MAEA: variants seen among roughly 807,000 people sequenced by gnomAD.
MAEA encodes the protein macrophage erythroblast attacher, E3 ubiquitin ligase.
A neutral mutation model predicts 46.2 loss-of-function variants in MAEA; 22 were observed. The ratio of observed to expected loss-of-function variants is 0.48; its 90% CI spans 0.34 to 0.68. The LOEUF (loss-of-function observed/expected upper bound fraction) is 0.68, where lower values mean the gene tolerates loss of function less well. MAEA is among the 30% of genes least tolerant of loss of function. The probability of loss-of-function intolerance (pLI) is 0.01; values close to 1 mark genes in which losing one functional copy is unlikely to be tolerated. For synonymous variants in MAEA, 246 were observed against 222.6 expected (o/e 1.11, Z -0.94); for missense variants, 393 against 558.1 (o/e 0.70, Z 2.98).
Position 1,339,839 on chromosome 4 carries a change from G to C in MAEA, c.*670G>C, listed in dbSNP as rs1021377801. 1 of 152,814 alleles carries C rather than the reference G, an allele frequency of 6.5e-6. No homozygotes were observed. The allele number at this position is 152,814 out of a possible 1,614,324, so 9.5% of individuals were successfully genotyped here. ...GCGTCGTTTCGATATCACACCCTCT[G>C]TGTGCCGCCTTACTTCCTGCTTCGA... On this transcript the variant is annotated 3_prime_UTR_variant, in exon 9 of 9. Coordinates refer to ENST00000303400, the MANE Select transcript of MAEA (RefSeq NM_001017405.3).
intron 1 of MAEA, among the ~76,000 whole-genome samples, chr4:1,296,834 C>T (rs950271895): frequency 4.6e-5 from 7 of 152,176 alleles, no homozygotes; most frequent in East Asian, 1.9e-4. Flanking sequence ...ACTCGGCTCC[C>T]GTGACACCAT....
chr4:1,321,873 GT>G (rs4045167), intron 3 of MAEA, among the ~76,000 whole-genome samples: 14,293 of 140,300 alleles, frequency 0.1, 1,269 homozygotes, highest in East Asian at 0.42. Context: ...TTTTTTTGTT[GT>G]TTTTTTTTTT....
rs1713231102 is a variant in MAEA at position 1,339,424 on chromosome 4, A to G, written c.*255A>G. 1 of 520,558 alleles carries G rather than the reference A, an allele frequency of 1.9e-6. No individual in the cohort carries two copies. Among genetic ancestry groups the G allele is most frequent in the South Asian group, 2.5e-5 (1 of 40,026 alleles). The allele number at this position is 520,558 out of a possible 1,614,324, so 32.2% of individuals were successfully genotyped here. On this transcript the variant is annotated 3_prime_UTR_variant, in exon 9 of 9. Transcript: ENST00000303400. ...TCTGAAAAGTACTTTCAACTTGCGAAGGAAACTCTTCTTTAAAGACTGACC... is the reference window on the plus strand; with the variant it reads ...TCTGAAAAGTACTTTCAACTTGCGAGGGAAACTCTTCTTTAAAGACTGACC...
chr4:1,338,335 G>A (rs1713070258), intron 7 of MAEA, 87 bp from the exon 8 acceptor site: 7 of 1,048,520 alleles, frequency 6.7e-6, no homozygotes, highest in East Asian at 2.4e-5. Context: ...AGAAGGGCAC[G>A]CAGCCCAGGG....
In MAEA at chr4:1,322,545, G is replaced by A. The variant is rs374785202; in HGVS notation, c.579+42G>A. ...GTTGGGGTGGGAGTGGGTCGGGGCC[G>A]AGGCTGCGCCACCTGCCCTGGAGCC... is the stretch of plus-strand genomic sequence containing the variant. On this transcript the variant is annotated intron_variant, in intron 4 of 8. Transcript: ENST00000303400. The A allele has an allele frequency of 4.0e-4, 635 of 1,606,204 alleles. 16 individuals carry two copies. In the South Asian group the frequency reaches 6.0e-3, roughly 15 times the overall value.
chr4:1,315,166 A>G (rs929425374), intron 2 of MAEA, among the ~76,000 whole-genome samples: 1 of 152,232 alleles, frequency 6.6e-6, no homozygotes, highest in Admixed American at 6.5e-5. Context: ...AAAGCCAGAA[A>G]TAGCAGAGAG....
At chr4:1,293,060 AT>A (rs1208177687) in intron 1 of MAEA, among the ~76,000 whole-genome samples, 1 of 151,710 alleles carries the variant, frequency 6.6e-6, no homozygotes, top group Non-Finnish European at 1.5e-5. Flanking sequence ...TGCCCAGCTA[AT>A]TTTTTGTATT....
intron 1 of MAEA, among the ~76,000 whole-genome samples, chr4:1,295,485 G>A (rs1734542305): frequency 6.6e-6 from 1 of 151,920 alleles, no homozygotes; most frequent in African/African-American, 2.4e-5. Context: ...GAGGGGCCCA[G>A]AGCAGCCTCC....
chr4:1,290,718 G>A (rs1020285291), intron 1 of MAEA, among the ~76,000 whole-genome samples: 3 of 152,202 alleles, frequency 2.0e-5, no homozygotes, highest in Non-Finnish European at 4.4e-5. Flanking sequence ...TTCCTGGAGA[G>A]CTGCGTAGTT....
chr4:1,316,973 G>GC (rs1239629545), intron 3 of MAEA, among the ~76,000 whole-genome samples: 21 of 117,778 alleles, frequency 1.8e-4, no homozygotes, highest in South Asian at 2.9e-4. Context: ...GCCCACCACG[G>GC]CCCCACACTC....
chr4:1,297,034 T>C (rs957388488), intron 1 of MAEA, among the ~76,000 whole-genome samples: 3 of 152,176 alleles, frequency 2.0e-5, no homozygotes, highest in Non-Finnish European at 2.9e-5. Flanking sequence ...CCATCCCGTG[T>C]AGTCACCTCC....
At chr4:1,319,001 G>A (rs1737668132) in intron 3 of MAEA, among the ~76,000 whole-genome samples, 1 of 152,078 alleles carries the variant, frequency 6.6e-6, no homozygotes, top group African/African-American at 2.4e-5. Context: ...GCCGAGGGAA[G>A]GCTGCCCAGG....
At chr4:1,314,785 T>C (rs933965660) in intron 2 of MAEA, among the ~76,000 whole-genome samples, 3 of 152,374 alleles carry the variant, frequency 2.0e-5, no homozygotes, top group Middle Eastern at 3.4e-3. Flanking sequence ...GACAGCTGAT[T>C]TCTGCACAGC....
chr4:1,302,959 G>T (rs1245031730), intron 1 of MAEA, among the ~76,000 whole-genome samples: 2 of 152,086 alleles, frequency 1.3e-5, no homozygotes, highest in Non-Finnish European at 2.9e-5. Context: ...GGGTGTGAAT[G>T]TGGGGAATTG....
At position 1,338,951 on chromosome 4, in the gene MAEA, G is replaced by A. The variant is rs544028490; in HGVS notation, c.1096-123G>A. On this transcript the variant is annotated intron_variant, in intron 8 of 8. Transcript: ENST00000303400. Reference sequence around the variant, plus strand: ...GGATTTCTTTGGCAGGTGTGCCTTCGGGAAGGAACTTTGCCTGAGAGGATG... The same window carrying A: ...GGATTTCTTTGGCAGGTGTGCCTTCAGGAAGGAACTTTGCCTGAGAGGATG... 1.5e-4 allele frequency: 126 copies of A among 825,528 alleles called. No homozygotes were observed. The highest frequency in any genetic ancestry group is 4.5e-4 in the Middle Eastern group (2 of 4,494). The allele number at this position is 825,528 out of a possible 1,614,324, so 51.1% of individuals were successfully genotyped here.
At chr4:1,312,398 AC>A in intron 2 of MAEA, 1 of 513,690 alleles carries the variant, frequency 1.9e-6, no homozygotes, top group South Asian at 2.3e-5. Context: ...CCACAGGGAG[AC>A]CAGGATGTAT....
chr4:1,334,782 C>A, intron 6 of MAEA: 1 of 759,144 alleles, frequency 1.3e-6, no homozygotes, highest in Non-Finnish European at 1.6e-6. Context: ...TGGCAGAAGC[C>A]ACCAGAAGCC....
At chr4:1,303,889 G>T in intron 1 of MAEA, among the ~76,000 whole-genome samples, 1 of 138,752 alleles carries the variant, frequency 7.2e-6, no homozygotes, top group South Asian at 2.3e-4. Flanking sequence ...AGGGCAGGGG[G>T]GTCCGGCAGG....
At chr4:1,314,310 ACT>A (rs1234764058) in intron 2 of MAEA, among the ~76,000 whole-genome samples, 7 of 150,016 alleles carry the variant, frequency 4.7e-5, no homozygotes, top group Non-Finnish European at 8.9e-5. Context: ...CTGCACAGAG[ACT>A]CTGTCTCCAA....
Sources: allele counts gnomAD v4.1 joint callset (sites outside exome capture counted in the v4.1 genomes callset), GRCh38; gene constraint gnomAD v4.1.1; transcripts MANE v1.5; gene names NCBI Gene and HGNC (gene_info 2026-07-23, HGNC 2026-07-21).